TOGARAM2: variants seen among roughly 807,000 people sequenced by gnomAD.
TOGARAM2 encodes the protein TOG array regulator of axonemal microtubules 2.
In TOGARAM2, 85 loss-of-function variants were observed where a neutral mutation model predicts 93.3. That is an observed-to-expected ratio of 0.91 (90% confidence interval 0.76 to 1.09). The LOEUF is 1.09. Ranked by LOEUF, TOGARAM2 falls within the 50% of genes least tolerant of loss-of-function variation. TOGARAM2 has a pLI of 0.00. For synonymous variants in TOGARAM2, 593 were observed against 552.8 expected (o/e 1.07, Z -1.02); for missense variants, 1,277 against 1,334.5 (o/e 0.96, Z 0.67).
chr2:29,006,181 ATG>A (rs1663803683), intron 6 of TOGARAM2, among the ~76,000 whole-genome samples: 6 of 56,140 alleles, frequency 1.1e-4, no homozygotes, highest in East Asian at 4.4e-4. Context: ...GTGTGACCAC[ATG>A]TGTGTGCATG....
At chr2:29,009,076 C>T (rs1249072163) in intron 6 of TOGARAM2, among the ~76,000 whole-genome samples, 1 of 152,204 alleles carries the variant, frequency 6.6e-6, no homozygotes, top group African/African-American at 2.4e-5. Flanking sequence ...GTGCTCCAGC[C>T]AGGAAGTCAT....
At position 29,045,342 on chromosome 2, in the gene TOGARAM2, C is replaced by A. The variant is rs143227503; in HGVS notation, c.2654C>A (p.Pro885Gln). The change falls in exon 19 of 20, where the codon CCA (proline) becomes CAA (glutamine). Residue 885 changes from proline (P) to glutamine (Q), a missense_variant. By Grantham distance (76) the Pro-to-Gln change is moderately conservative. Transcript: ENST00000379558. ...VESLDNLCLL[P>Q]ALAGRVRFLS... Reference sequence around the variant, plus strand: ...CTTTCAGACAACCTTTGCCTTCTACCAGCGCTTGCTGGGCGAGTGCGTTTC... The same window carrying A: ...CTTTCAGACAACCTTTGCCTTCTACAAGCGCTTGCTGGGCGAGTGCGTTTC... 3 of 1,613,442 alleles carry A rather than the reference C, an allele frequency of 1.9e-6. No individual in the cohort carries two copies. The highest frequency in any genetic ancestry group is 2.5e-6 in the Non-Finnish European group (3 of 1,179,860).
chr2:28,989,915 T>C (rs756872193), intron 1 of TOGARAM2, among the ~76,000 whole-genome samples: 1 of 152,150 alleles, frequency 6.6e-6, no homozygotes. Context: ...TTCCCCTTCA[T>C]ATCTTAGTAC....
At chr2:28,959,938 G>T (rs1391390786) in intron 1 of TOGARAM2, among the ~76,000 whole-genome samples, 7 of 152,164 alleles carry the variant, frequency 4.6e-5, no homozygotes, top group Non-Finnish European at 7.3e-5. Context: ...TACACATGTG[G>T]GCTATCTTAT....
Position 28,959,314 on chromosome 2 carries a change from C to T in TOGARAM2, c.-147+2617C>T, listed in dbSNP as rs76731687. Among the ~76,000 whole-genome samples, 670 of 152,328 alleles carry T rather than the reference C, an allele frequency of 4.4e-3. 18 individuals carry two copies. The East Asian group carries it at 0.082, about 19-fold the overall frequency. ...TAAGAAAGAAATTAACCACATCATA[C>T]ACCAACTGCATCAATTTCCCCATAG... On this transcript the variant is annotated intron_variant, in intron 1 of 6. Coordinates refer to the TOGARAM2 transcript ENST00000401723.
intron 1 of TOGARAM2, among the ~76,000 whole-genome samples, chr2:28,967,798 C>T (rs200166867): frequency 1.2e-3 from 96 of 78,524 alleles, no homozygotes; most frequent in Middle Eastern, 9.4e-3. Flanking sequence ...ATAAGATGGT[C>T]TTTTTTTTTT....
At chr2:29,014,609 A>G (rs1172027850) in intron 8 of TOGARAM2, 48 bp downstream of exon 8, 5 of 1,541,390 alleles carry the variant, frequency 3.2e-6, no homozygotes. Flanking sequence ...AGTGGACCGC[A>G]GGCTGCAGGA....
chr2:29,004,854 TGGA>T (rs141973535), intron 6 of TOGARAM2, among the ~76,000 whole-genome samples: 11,204 of 151,120 alleles, frequency 0.074, 882 homozygotes, highest in African/African-American at 0.19. Flanking sequence ...TGCATCTGTG[TGGA>T]GTTGTGTGTG....
intron 15 of TOGARAM2, 123 bp downstream of exon 15, chr2:29,033,174 A>G: frequency 1.3e-6 from 1 of 777,892 alleles, no homozygotes; most frequent in South Asian, 1.7e-5. Flanking sequence ...GATTTCATCC[A>G]CTACTCCTGA....
intron 8 of TOGARAM2, among the ~76,000 whole-genome samples, chr2:29,015,678 G>T (rs1664523143): frequency 6.6e-6 from 1 of 152,178 alleles, no homozygotes; most frequent in Non-Finnish European, 1.5e-5. Context: ...TGCAGCCACG[G>T]TTAGTCCTTG....
chr2:28,967,573 C>T (rs1345042082), intron 1 of TOGARAM2, among the ~76,000 whole-genome samples: 1 of 152,156 alleles, frequency 6.6e-6, no homozygotes, highest in South Asian at 2.1e-4. Flanking sequence ...GAAATGTCCT[C>T]CACTGGCCCT....
intron 18 of TOGARAM2, among the ~76,000 whole-genome samples, chr2:29,039,002 C>T (rs1350194460): frequency 6.6e-6 from 1 of 152,202 alleles, no homozygotes; most frequent in African/African-American, 2.4e-5. Flanking sequence ...TTCTTATCTG[C>T]CTGTCATGGT....
chr2:29,020,436 A>G (rs778170558), intron 10 of TOGARAM2, among the ~76,000 whole-genome samples: 5 of 152,244 alleles, frequency 3.3e-5, no homozygotes, highest in Non-Finnish European at 5.9e-5. Flanking sequence ...AGGTGAGCTC[A>G]GCTCAGGATC....
chr2:29,005,104 A>AGTGCATGTGT lies in TOGARAM2; in HGVS notation c.830+1423_830+1432dup, dbSNP rs1201169397. On this transcript the variant is annotated intron_variant, in intron 6 of 19. Coordinates refer to ENST00000379558, the MANE Select transcript of TOGARAM2 (RefSeq NM_199280.4). The stretch of plus-strand genomic sequence containing the variant: ...TGTGTATGTGTGAGTGCATGTTGTG[A>AGTGCATGTGT]GTGCATGTGTATGGGTGTGTGTGCA... Among the ~76,000 whole-genome samples the AGTGCATGTGT allele has an allele frequency of 9.6e-5, 12 of 124,770 alleles. 1 individual carries two copies. The highest frequency in any genetic ancestry group is 2.9e-4 in the African/African-American group (9 of 30,740). The allele number at this position is 124,770 out of a possible 152,430, so 81.9% of individuals were successfully genotyped here.
intron 10 of TOGARAM2, 146 bp downstream of exon 10, chr2:29,018,102 C>G (rs1385565425): frequency 3.1e-6 from 3 of 960,420 alleles, no homozygotes; most frequent in Non-Finnish European, 4.5e-6. Context: ...TGGTGGTTGC[C>G]TTGCCAGAGA....
intron 1 of TOGARAM2, among the ~76,000 whole-genome samples, chr2:28,983,198 A>ATT (rs57949744): frequency 3.0e-4 from 17 of 56,624 alleles, no homozygotes; most frequent in African/African-American, 1.3e-3. Context: ...ATATATATAT[A>ATT]TTTTTTTTTT....
rs1040797224 is a variant in TOGARAM2 at position 29,051,689 on chromosome 2, C to T, written c.2723-67C>T. On this transcript the variant is annotated intron_variant, in intron 19 of 19. Transcript: ENST00000379558. ...CCCTTTGGGGGACAAAGTTGGTGTC[C>T]CAAGAGAGGGAAGTGGGAGAGGGAG... 2.9e-6 allele frequency: 4 copies of T among 1,359,920 alleles called. No homozygotes were observed. In the African/African-American group the frequency reaches 5.9e-5, roughly 20 times the overall value. 84.2% of individuals were successfully genotyped at this position (1,359,920 alleles called of 1,614,324 possible).
rs76427895 is a variant in TOGARAM2 at position 29,019,223 on chromosome 2, C to T, written c.1360+1267C>T. Reference sequence around the variant, plus strand: ...TATGACAGAGTCTCACTCTGTCGCCCAGGCTGGAGTGCAGTGGTGCGATCT... The same window carrying T: ...TATGACAGAGTCTCACTCTGTCGCCTAGGCTGGAGTGCAGTGGTGCGATCT... On this transcript the variant is annotated intron_variant, in intron 10 of 19. Transcript: ENST00000379558. Among the ~76,000 whole-genome samples, 26 of 149,124 alleles carry T rather than the reference C, an allele frequency of 1.7e-4. No individual in the cohort carries two copies. The East Asian group carries it at 3.5e-3, about 20-fold the overall frequency.
intron 1 of TOGARAM2, among the ~76,000 whole-genome samples, chr2:28,969,695 G>A (rs1232450908): frequency 6.6e-6 from 1 of 152,078 alleles, no homozygotes; most frequent in East Asian, 1.9e-4. Context: ...AAGCCACCTT[G>A]GAATGAGAGA....
Sources: gnomAD v4.1 joint callset for allele counts (sites outside exome capture counted in the v4.1 genomes callset) on GRCh38, gnomAD v4.1.1 for gene constraint, MANE v1.5 for transcripts, NCBI Gene and HGNC (gene_info 2026-07-23, HGNC 2026-07-21) for gene names.